AFF2: variants seen among roughly 807,000 people sequenced by gnomAD.
The protein encoded by AFF2 is AF4/FMR2 family member 2.
A neutral mutation model predicts 76.9 loss-of-function variants in AFF2; 14 were observed. That is an observed-to-expected ratio of 0.18 (90% CI 0.12 to 0.28). AFF2 has a LOEUF of 0.28. AFF2 is among the 10% of genes least tolerant of loss of function. The probability of loss-of-function intolerance (pLI) is 1.00; values close to 1 mark genes in which losing one functional copy is unlikely to be tolerated. For synonymous variants in AFF2, 398 were observed against 366.7 expected (o/e 1.09, Z -0.98); for missense variants, 868 against 1,001.1 (o/e 0.87, Z 1.79).
intron 1 of AFF2, among the ~76,000 whole-genome samples, chrX:148,614,087 G>A (rs1269646134): frequency 2.7e-5 from 3 of 111,740 alleles, no homozygotes; most frequent in African/African-American, 9.7e-5. Context: ...TTAATGGAGA[G>A]GCTAGGGGGA....
chrX:148,857,700 G>A (rs1208604179), intron 7 of AFF2, among the ~76,000 whole-genome samples: 1 of 110,463 alleles, frequency 9.1e-6, no homozygotes, highest in Non-Finnish European at 1.9e-5. Flanking sequence ...ATTTATCCAA[G>A]TTAAGAGACT....
intron 8 of AFF2, among the ~76,000 whole-genome samples, chrX:148,896,676 A>C (rs1557280338): frequency 9.0e-6 from 1 of 111,253 alleles, no homozygotes. Flanking sequence ...GCCAGAGCAG[A>C]AGTAGTGTTT....
chrX:148,531,619 G>T (rs1264282534), intron 1 of AFF2, among the ~76,000 whole-genome samples: 1 of 112,446 alleles, frequency 8.9e-6, no homozygotes, highest in Non-Finnish European at 1.9e-5. Flanking sequence ...AGGTGAAAAC[G>T]TTTGTAGACT....
chrX:148,987,989 G>A (rs782313392), intron 20 of AFF2, among the ~76,000 whole-genome samples: 5 of 111,949 alleles, frequency 4.5e-5, no homozygotes, highest in South Asian at 3.8e-4. Flanking sequence ...ACACGATAAC[G>A]CAGCTTGCAT....
intron 16 of AFF2, 119 bp from the exon 17 acceptor site, chrX:148,977,814 G>T: frequency 1.8e-6 from 1 of 540,731 alleles, no homozygotes; most frequent in Non-Finnish European, 3.2e-6. Context: ...GTACCAGTCA[G>T]TCCTCTTGCC....
intron 9 of AFF2, among the ~76,000 whole-genome samples, chrX:148,939,022 C>T (rs2071804141): frequency 9.0e-6 from 1 of 110,797 alleles, no homozygotes; most frequent in African/African-American, 3.3e-5. Context: ...TAAAACTGTA[C>T]AGCATTATGT....
intron 19 of AFF2, among the ~76,000 whole-genome samples, chrX:148,984,517 C>A (rs782610285): frequency 8.9e-6 from 1 of 111,790 alleles, no homozygotes; most frequent in African/African-American, 3.3e-5. Flanking sequence ...TAGCCACAGT[C>A]ACAACTTCTT....
At chrX:148,607,868 T>A (rs1481128986) in intron 1 of AFF2, among the ~76,000 whole-genome samples, 1 of 112,090 alleles carries the variant, frequency 8.9e-6, no homozygotes, top group African/African-American at 3.2e-5. Flanking sequence ...GCCATTGCTA[T>A]CTCATCAGAC....
intron 7 of AFF2, among the ~76,000 whole-genome samples, chrX:148,856,654 T>C (rs1470142415): frequency 1.3e-4 from 14 of 111,841 alleles, no homozygotes; most frequent in Non-Finnish European, 2.1e-4. Context: ...TCTCTGCTCC[T>C]GAGTCCCAAA....
intron 1 of AFF2, among the ~76,000 whole-genome samples, chrX:148,539,294 A>G (rs782818684): frequency 9.0e-6 from 1 of 111,544 alleles, no homozygotes; most frequent in East Asian, 2.8e-4. Context: ...GGATGATATT[A>G]GAGAAGTTTA....
chrX:148,728,502 A>C (rs781845036), intron 3 of AFF2, among the ~76,000 whole-genome samples: 7 of 112,320 alleles, frequency 6.2e-5, no homozygotes, highest in Non-Finnish European at 1.3e-4. Flanking sequence ...AGGATACTCT[A>C]TTTTCATTTT....
chrX:148,749,900 C>T (rs2055475409), intron 3 of AFF2, among the ~76,000 whole-genome samples: 1 of 111,326 alleles, frequency 9.0e-6, no homozygotes, highest in Admixed American at 9.6e-5. Context: ...TCCTCCTCAC[C>T]TTACACCGTG....
intron 3 of AFF2, among the ~76,000 whole-genome samples, chrX:148,759,552 G>T (rs1175768655): frequency 2.7e-5 from 3 of 111,932 alleles, no homozygotes; most frequent in Non-Finnish European, 5.6e-5. Context: ...GAAGCAAAAT[G>T]GTTCTGAAAG....
At chrX:148,966,641 C>T in intron 13 of AFF2, 149 bp from the exon 14 acceptor site, 1 of 1,068,138 alleles carries the variant, frequency 9.4e-7, no homozygotes, top group East Asian at 3.1e-5. Flanking sequence ...TCCAGGGTCA[C>T]CTATTTATCC....
At chrX:148,655,400 C>T (rs1197965671) in intron 2 of AFF2, among the ~76,000 whole-genome samples, 5 of 109,470 alleles carry the variant, frequency 4.6e-5, no homozygotes, top group Admixed American at 1.9e-4. Context: ...CTCAGCCTCC[C>T]AAGTATCTGG....
intron 2 of AFF2, among the ~76,000 whole-genome samples, chrX:148,656,895 C>G (rs1472888306): frequency 1.8e-5 from 2 of 111,611 alleles, no homozygotes. Flanking sequence ...CTGTATGATT[C>G]CGTATCTGTA....
chrX:148,832,903 A>G (rs1324689419), intron 4 of AFF2, among the ~76,000 whole-genome samples: 8 of 112,074 alleles, frequency 7.1e-5, no homozygotes, highest in African/African-American at 2.6e-4. Flanking sequence ...CTCTCTGACT[A>G]TAACAACAAC....
At chrX:148,656,112 T>G (rs2054248838) in intron 2 of AFF2, among the ~76,000 whole-genome samples, 1 of 111,966 alleles carries the variant, frequency 8.9e-6, no homozygotes, top group South Asian at 3.7e-4. Context: ...TCCTGGCTAA[T>G]TTCTTTCCCT....
chrX:148,680,496 T>G (rs1442025096), intron 3 of AFF2, among the ~76,000 whole-genome samples: 3 of 110,152 alleles, frequency 2.7e-5, no homozygotes, highest in Non-Finnish European at 5.7e-5. Context: ...AGATCAAGAG[T>G]AGGAGTAAGC....
Sources: allele counts gnomAD v4.1 joint callset (sites outside exome capture counted in the v4.1 genomes callset), GRCh38; gene constraint gnomAD v4.1.1; transcripts MANE v1.5; gene names NCBI Gene and HGNC (gene_info 2026-07-23, HGNC 2026-07-21).